Variants in SEL1L2 observed in about 807,000 individuals in gnomAD.
The protein encoded by SEL1L2 is SEL1L2 adaptor subunit of SYVN1 ubiquitin ligase, also known as protein sel-1 homolog 2.
In SEL1L2, 89 loss-of-function variants were observed where a neutral mutation model predicts 98.8. The observed-to-expected ratio is 0.90, with a 90% CI of 0.76 to 1.07. The LOEUF is 1.07. Ranked by LOEUF, SEL1L2 falls within the 50% of genes least tolerant of loss-of-function variation. The probability of loss-of-function intolerance (pLI) is 0.00; values close to 1 mark genes in which losing one functional copy is unlikely to be tolerated. For synonymous variants in SEL1L2, 262 were observed against 278.5 expected, an observed-to-expected ratio of 0.94 and a Z score of 0.59; for missense variants, 788 against 812.0, an observed-to-expected ratio of 0.97 and a Z score of 0.36.
intron 1 of SEL1L2, among the ~76,000 whole-genome samples, chr20:13,975,138 T>G (rs977365213): frequency 6.6e-6 from 1 of 152,134 alleles, no homozygotes; most frequent in African/African-American, 2.4e-5. Context: ...TAAGACTAGA[T>G]GACTATAGTA....
At chr20:13,872,230 T>C (rs1391025367) in intron 12 of SEL1L2, among the ~76,000 whole-genome samples, 1 of 152,144 alleles carries the variant, frequency 6.6e-6, no homozygotes, top group Non-Finnish European at 1.5e-5. Flanking sequence ...AGTGAGTCTG[T>C]CTTCTTCTAA....
Position 13,990,487 on chromosome 20 carries a change from G to A in SEL1L2, c.48C>T (p.Val16=). 1 of 1,611,418 alleles carries A rather than the reference G, an allele frequency of 6.2e-7. No individual in the cohort carries two copies. The highest frequency in any genetic ancestry group is 2.2e-5 in the East Asian group (1 of 44,860). ...LLIEILIILG[V]TIKTIKAEEH... is the part of the protein sequence containing the mutation. Reference sequence around the variant, plus strand: ...GACAAAAAAACTTACTTTTAATTGTGACCCCAAGAATTATCAATATCTCTA... The same window carrying A: ...GACAAAAAAACTTACTTTTAATTGTAACCCCAAGAATTATCAATATCTCTA... The change falls in exon 1 of 20, where the codon GTC becomes GTT. Residue 16 remains valine (V), a synonymous_variant. Transcript: ENST00000284951.
At chr20:13,908,301 TTTG>T (rs2048065927) in intron 5 of SEL1L2, among the ~76,000 whole-genome samples, 3 of 151,532 alleles carry the variant, frequency 2.0e-5, no homozygotes, top group African/African-American at 7.3e-5. Context: ...TTTTTTAAAT[TTTG>T]TAGAGACAGG....
At chr20:13,887,727 T>G in intron 8 of SEL1L2, 42 bp downstream of exon 8, 1 of 1,269,284 alleles carries the variant, frequency 7.9e-7, no homozygotes, top group Non-Finnish European at 1.1e-6. Context: ...TCTAATTCCT[T>G]GGCAACTGTT....
chr20:13,930,287 G>C (rs1358766), intron 3 of SEL1L2, among the ~76,000 whole-genome samples: 2 of 152,014 alleles, frequency 1.3e-5, no homozygotes, highest in African/African-American at 2.4e-5. Flanking sequence ...TCCTCAATCC[G>C]GGTCTCTGCA....
At chr20:13,928,668 T>C (rs2048999454) in intron 3 of SEL1L2, among the ~76,000 whole-genome samples, 1 of 152,194 alleles carries the variant, frequency 6.6e-6, no homozygotes, top group Non-Finnish European at 1.5e-5. Flanking sequence ...GGAAGTGATA[T>C]GCTTGTCAAA....
At chr20:13,915,403 ATGTCT>A (rs2048361299) in intron 4 of SEL1L2, among the ~76,000 whole-genome samples, 1 of 152,174 alleles carries the variant, frequency 6.6e-6, no homozygotes, top group African/African-American at 2.4e-5. Context: ...CTAAAGGCAA[ATGTCT>A]GGCACCCAGA....
chr20:13,892,221 G>A, intron 5 of SEL1L2, among the ~76,000 whole-genome samples: 1 of 152,086 alleles, frequency 6.6e-6, no homozygotes, highest in South Asian at 2.1e-4. Flanking sequence ...AGGCCGAGGT[G>A]AATGGATCAC....
chr20:13,870,614 G>T (rs1317112510), intron 12 of SEL1L2, among the ~76,000 whole-genome samples: 1 of 152,136 alleles, frequency 6.6e-6, no homozygotes, highest in Non-Finnish European at 1.5e-5. Flanking sequence ...GTCAAATGTG[G>T]TAAGTCCTAA....
intron 5 of SEL1L2, among the ~76,000 whole-genome samples, chr20:13,891,293 C>T (rs1371879976): frequency 6.6e-6 from 1 of 152,138 alleles, no homozygotes; most frequent in Non-Finnish European, 1.5e-5. Context: ...AAGGAAGTCC[C>T]TGTAACATTA....
intron 2 of SEL1L2, among the ~76,000 whole-genome samples, chr20:13,950,209 T>G (rs1018822109): frequency 8.6e-5 from 13 of 151,874 alleles, no homozygotes; most frequent in African/African-American, 2.9e-4. Flanking sequence ...TTTTAATGGA[T>G]ATAGAGTTTC....
In SEL1L2 at chr20:13,952,801, C is replaced by T. The variant is rs542898658; in HGVS notation, c.114+3275G>A. Reference sequence around the variant, plus strand: ...ATCCCAGCACTTTGGGAGGCCAAGGCGGGCAGATCACGAGGTCAAAAGATC... The same window carrying T: ...ATCCCAGCACTTTGGGAGGCCAAGGTGGGCAGATCACGAGGTCAAAAGATC... On this transcript the variant is annotated intron_variant, in intron 2 of 19. Coordinates refer to ENST00000284951, the MANE Select transcript of SEL1L2 (RefSeq NM_025229.2). Among the ~76,000 whole-genome samples, 40 of 152,238 alleles carry T rather than the reference C, an allele frequency of 2.6e-4. 1 individual carries two copies. The highest frequency in any genetic ancestry group is 1.2e-3 in the South Asian group (6 of 4,830).
In SEL1L2 at chr20:13,926,879, G is replaced by A. The variant is rs117607035; in HGVS notation, c.283+4724C>T. The stretch of plus-strand genomic sequence containing the variant: ...TTCAACCAAGAGCACAGTGGTGATT[G>A]GGTATGATCATCAAAATTAATGATG... On this transcript the variant is annotated intron_variant, in intron 3 of 19. Transcript: ENST00000284951. Among the ~76,000 whole-genome samples the A allele has an allele frequency of 4.0e-3, 607 of 152,280 alleles. 1 individual carries two copies. Among genetic ancestry groups the A allele is most frequent in the East Asian group, 9.8e-3 (51 of 5,178 alleles).
rs1195980178 is a variant in SEL1L2 at position 13,914,076 on chromosome 20, C to A, written c.387-132G>T. 5.6e-6 allele frequency: 4 copies of A among 711,392 alleles called. No individual in the cohort carries two copies. In the Admixed American group the frequency reaches 1.6e-4, roughly 28 times the overall value. 44.1% of individuals were successfully genotyped at this position (711,392 alleles called of 1,614,324 possible). A position where few individuals can be genotyped will look rare whatever the true frequency, so the allele number is the denominator to read the frequency against. On this transcript the variant is annotated intron_variant, in intron 4 of 19. Coordinates refer to ENST00000284951, the MANE Select transcript of SEL1L2 (RefSeq NM_025229.2). ...CATACAGTTTAGCTGAAGTTCATTA[C>A]ATCTCTAGATCAGTAGATTTTTTTC...
chr20:13,874,754 C>T (rs947363001), intron 12 of SEL1L2, among the ~76,000 whole-genome samples: 12 of 152,256 alleles, frequency 7.9e-5, no homozygotes, highest in African/African-American at 2.4e-4. Flanking sequence ...AGGTGGTAGT[C>T]ACTTATAAAT....
At chr20:13,962,186 A>C (rs2050811186) in intron 1 of SEL1L2, among the ~76,000 whole-genome samples, 1 of 152,314 alleles carries the variant, frequency 6.6e-6, no homozygotes, top group Non-Finnish European at 1.5e-5. Context: ...AATGGCCCCC[A>C]GGGAATCACA....
At chr20:13,946,088 T>A (rs1008886877) in intron 2 of SEL1L2, among the ~76,000 whole-genome samples, 1 of 152,210 alleles carries the variant, frequency 6.6e-6, no homozygotes, top group Non-Finnish European at 1.5e-5. Flanking sequence ...CACTGTTAAC[T>A]GCTTTCATTC....
chr20:13,947,779 C>T (rs991732061), intron 2 of SEL1L2, among the ~76,000 whole-genome samples: 3 of 152,234 alleles, frequency 2.0e-5, no homozygotes, highest in Non-Finnish European at 2.9e-5. Context: ...CATCCAGACG[C>T]AGGTGCCCAC....
chr20:13,921,709 CA>C (rs1307037586), intron 3 of SEL1L2, among the ~76,000 whole-genome samples: 1 of 151,806 alleles, frequency 6.6e-6, no homozygotes, highest in East Asian at 1.9e-4. Flanking sequence ...TATTTTAAAG[CA>C]AAAAAATGTA....
Sources: gnomAD v4.1 joint callset for allele counts (sites outside exome capture counted in the v4.1 genomes callset) on GRCh38, gnomAD v4.1.1 for gene constraint, MANE v1.5 for transcripts, NCBI Gene and HGNC (gene_info 2026-07-23, HGNC 2026-07-21) for gene names.